Variants in CDH13 observed in about 807,000 individuals in gnomAD.
CDH13 encodes the protein cadherin 13, also known as cadherin-13.
In CDH13, 24 loss-of-function variants were observed where a neutral mutation model predicts 63.8. That is an observed-to-expected ratio of 0.38 (90% CI 0.27 to 0.53). The LOEUF (loss-of-function observed/expected upper bound fraction) is 0.53. Ranked by LOEUF, CDH13 falls within the 20% of genes least tolerant of loss-of-function variation. The pLI is 0.85. For synonymous variants in CDH13, 503 were observed against 355.3 expected, an observed-to-expected ratio of 1.42 and a Z score of -4.67; for missense variants, 1,049 against 903.1, an observed-to-expected ratio of 1.16 and a Z score of -2.07.
intron 3 of CDH13, among the ~76,000 whole-genome samples, chr16:83,120,094 G>A (rs2035497377): frequency 6.6e-6 from 1 of 151,820 alleles, no homozygotes; most frequent in Non-Finnish European, 1.5e-5. Flanking sequence ...CATGCACATG[G>A]TGACTTCTCT....
At chr16:83,728,986 C>T (rs1250296271) in intron 10 of CDH13, 2 of 152,794 alleles carry the variant, frequency 1.3e-5, no homozygotes, top group African/African-American at 4.8e-5. Flanking sequence ...GCCTCATTTC[C>T]TTGGGGCATG....
intron 6 of CDH13, 57 bp downstream of exon 6, chr16:83,345,063 C>A (rs2090810135): frequency 4.4e-6 from 7 of 1,578,924 alleles, no homozygotes; most frequent in East Asian, 2.3e-5. Flanking sequence ...ACACTTTGAT[C>A]TTTGTGGATT....
In CDH13 at chr16:82,627,118, T is replaced by C. The variant is rs773242003; in HGVS notation, c.26T>C (p.Leu9Pro). Reference protein sequence around the residue: MQPRTPLVLCVLLSQVLLL... With the variant: MQPRTPLVPCVLLSQVLLL... ...ATGCAGCCGAGAACTCCGCTCGTTC[T>C]GTGCGTTCTCCTGTCCCAGGTAGGG... Residue 9 changes from leucine to proline, a missense_variant, in exon 1 of 14, where the codon CTG (leucine) becomes CCG (proline). Coordinates refer to ENST00000567109, the MANE Select transcript of CDH13 (RefSeq NM_001257.5). 2.8e-5 allele frequency: 45 copies of C among 1,607,202 alleles called. 1 individual carries two copies. The Middle Eastern group carries it at 2.7e-3, about 97-fold the overall frequency.
chr16:83,457,922 G>A (rs530358301), intron 6 of CDH13, among the ~76,000 whole-genome samples: 151 of 152,290 alleles, frequency 9.9e-4, no homozygotes, highest in East Asian at 2.7e-3. Flanking sequence ...TCCAGCAGGC[G>A]TCTGAGAACC....
chr16:83,146,427 C>G (rs974106692), intron 4 of CDH13, among the ~76,000 whole-genome samples: 2 of 152,090 alleles, frequency 1.3e-5, no homozygotes, highest in African/African-American at 4.8e-5. Flanking sequence ...ATGTCAGGAC[C>G]AGCATCTCTG....
chr16:82,764,391 T>C (rs1241588829), intron 1 of CDH13, among the ~76,000 whole-genome samples: 1 of 152,218 alleles, frequency 6.6e-6, no homozygotes, highest in Non-Finnish European at 1.5e-5. Context: ...GAGGATTCTT[T>C]CAGCTCTTAG....
chr16:82,953,998 A>C (rs539059499), intron 2 of CDH13: 1 of 152,296 alleles, frequency 6.6e-6, no homozygotes, highest in East Asian at 1.9e-4. Context: ...TCTCCTTCAG[A>C]AGCAGACTCA....
chr16:83,159,146 A>G (rs1257297343), intron 4 of CDH13, among the ~76,000 whole-genome samples: 3 of 151,988 alleles, frequency 2.0e-5, no homozygotes, highest in Non-Finnish European at 4.4e-5. Context: ...CCATTTGCCC[A>G]CAGTAGAGGA....
intron 6 of CDH13, among the ~76,000 whole-genome samples, chr16:83,391,863 G>A (rs2161722): frequency 0.59 from 90,370 of 152,050 alleles, 29,127 homozygotes; most frequent in East Asian, 0.76. Context: ...TCATCTGTAC[G>A]AAAATATTTG....
intron 11 of CDH13, among the ~76,000 whole-genome samples, chr16:83,762,671 G>A (rs933913666): frequency 3.9e-5 from 6 of 152,206 alleles, no homozygotes; most frequent in Non-Finnish European, 7.3e-5. Flanking sequence ...ATCGTTGGCC[G>A]CTGCTTCTTG....
At chr16:83,564,309 G>C (rs2075755342) in intron 7 of CDH13, among the ~76,000 whole-genome samples, 1 of 151,926 alleles carries the variant, frequency 6.6e-6, no homozygotes, top group Non-Finnish European at 1.5e-5. Context: ...GGTAAGTGAG[G>C]TGACAATAAG....
rs572174049 is a variant in CDH13 at position 82,846,767 on chromosome 16, C to A, written c.46-11595C>A. Among the ~76,000 whole-genome samples, 34 of 152,176 alleles carry A rather than the reference C, an allele frequency of 2.2e-4. No individual in the cohort carries two copies. The South Asian group carries it at 4.2e-3, about 19-fold the overall frequency. ...CTCTAGTATCTAGGCCAGAGCCTGG[C>A]AGATAATAGAAATGTTAAATTTTCA... On this transcript the variant is annotated intron_variant, in intron 1 of 13. Coordinates refer to ENST00000567109, the MANE Select transcript of CDH13 (RefSeq NM_001257.5).
At chr16:83,384,774 A>G (rs1254828516) in intron 6 of CDH13, among the ~76,000 whole-genome samples, 1 of 152,226 alleles carries the variant, frequency 6.6e-6, no homozygotes, top group Non-Finnish European at 1.5e-5. Context: ...CTCACTCTTC[A>G]GGCATGCGCT....
At chr16:82,688,206 G>C (rs1327212059) in intron 1 of CDH13, among the ~76,000 whole-genome samples, 17 of 152,184 alleles carry the variant, frequency 1.1e-4, no homozygotes, top group Admixed American at 1.1e-3. Context: ...CACTGGTATA[G>C]CCTGGCAGCA....
intron 2 of CDH13, among the ~76,000 whole-genome samples, chr16:82,863,955 C>T (rs1022322082): frequency 6.6e-6 from 1 of 152,162 alleles, no homozygotes; most frequent in Non-Finnish European, 1.5e-5. Flanking sequence ...GGGGAAAACA[C>T]TACCGCCATT....
At chr16:83,197,531 C>T (rs1441839938) in intron 4 of CDH13, among the ~76,000 whole-genome samples, 4 of 152,110 alleles carry the variant, frequency 2.6e-5, no homozygotes, top group African/African-American at 4.8e-5. Context: ...AACACCCCTT[C>T]GTCTCCCCTC....
intron 8 of CDH13, among the ~76,000 whole-genome samples, chr16:83,632,406 T>C (rs1427333867): frequency 2.0e-5 from 3 of 152,144 alleles, no homozygotes; most frequent in Non-Finnish European, 4.4e-5. Flanking sequence ...ATTTTGGTAA[T>C]GAAGGCCAGC....
intron 4 of CDH13, among the ~76,000 whole-genome samples, chr16:83,206,821 C>T (rs936519431): frequency 2.6e-5 from 4 of 152,216 alleles, no homozygotes; most frequent in African/African-American, 9.7e-5. Context: ...AGACCAAGGA[C>T]ACTGACCAGA....
At chr16:83,519,704 T>C (rs1272042620) in intron 7 of CDH13, among the ~76,000 whole-genome samples, 1 of 152,094 alleles carries the variant, frequency 6.6e-6, no homozygotes, top group East Asian at 1.9e-4. Context: ...CAAGAGATAA[T>C]GAAGGATGCT....
Sources: gnomAD v4.1 joint callset for allele counts (sites outside exome capture counted in the v4.1 genomes callset) on GRCh38, gnomAD v4.1.1 for gene constraint, MANE v1.5 for transcripts, NCBI Gene and HGNC (gene_info 2026-07-23, HGNC 2026-07-21) for gene names.